Variants in TMTC2 observed in about 807,000 individuals in gnomAD.
TMTC2 encodes transmembrane O-mannosyltransferase targeting cadherins 2, also known as protein O-mannosyl-transferase TMTC2.
Under a neutral mutation model 82.4 loss-of-function variants are expected in TMTC2, and 43 were observed. The ratio of observed to expected loss-of-function variants is 0.52; its 90% CI spans 0.41 to 0.67. The LOEUF (loss-of-function observed/expected upper bound fraction) is 0.67, where lower values mean the gene tolerates loss of function less well. Among genes scored for constraint, TMTC2 ranks in the 30% least tolerant of loss-of-function variants. The pLI, the probability that TMTC2 is intolerant of heterozygous loss-of-function variation, is 0.00. For missense variants in TMTC2, 919 were observed against 1,012.4 expected (o/e 0.91, Z 1.25); for synonymous variants, 408 against 381.9 (o/e 1.07, Z -0.80).
chr12:83,023,471 G>A (rs964342196), intron 8 of TMTC2, among the ~76,000 whole-genome samples: 1 of 152,194 alleles, frequency 6.6e-6, no homozygotes, highest in African/African-American at 2.4e-5. Context: ...ACTTCAGCCA[G>A]TTTTGTGACC....
At position 82,903,439 on chromosome 12, in the gene TMTC2, T is replaced by C. The variant is rs866130538; in HGVS notation, c.1483+6793T>C. On this transcript the variant is annotated intron_variant, in intron 3 of 11. Coordinates refer to ENST00000321196, the MANE Select transcript of TMTC2 (RefSeq NM_152588.3). ...TTTGTTTTGTTTTTTTGAGACAGAG[T>C]CTCGCTCTGTCGCCCAGGCTGGAGT... is the stretch of plus-strand genomic sequence containing the variant. Among the ~76,000 whole-genome samples, 8 of 152,254 alleles carry C rather than the reference T, an allele frequency of 5.3e-5. No homozygotes were observed. The South Asian group carries it at 1.5e-3, about 28-fold the overall frequency.
chr12:82,699,602 C>T (rs958107949), intron 1 of TMTC2, among the ~76,000 whole-genome samples: 1 of 152,150 alleles, frequency 6.6e-6, no homozygotes, highest in Non-Finnish European at 1.5e-5. Context: ...CCTGCACCGA[C>T]GTGTTTGTGT....
intron 1 of TMTC2, among the ~76,000 whole-genome samples, chr12:82,751,881 TAAAGGA>T (rs1876026836): frequency 6.6e-6 from 1 of 152,178 alleles, no homozygotes; most frequent in African/African-American, 2.4e-5. Context: ...AGTTTTGTGT[TAAAGGA>T]TGAACAAAAT....
Position 83,132,429 on chromosome 12 carries a change from C to T in TMTC2, c.*40C>T, listed in dbSNP as rs767272374. On this transcript the variant is annotated 3_prime_UTR_variant, in exon 12 of 12. Coordinates refer to ENST00000321196, the MANE Select transcript of TMTC2 (RefSeq NM_152588.3). ...GCCCATCCTCCTCCATTTTTAAAAGCTGGCTTCCTTAGCAGACAGAACTTC... is the reference window on the plus strand; with the variant it reads ...GCCCATCCTCCTCCATTTTTAAAAGTTGGCTTCCTTAGCAGACAGAACTTC... The T allele has an allele frequency of 1.9e-6, 3 of 1,606,502 alleles. No individual in the cohort carries two copies. Among genetic ancestry groups the T allele is most frequent in the Non-Finnish European group, 2.5e-6 (3 of 1,177,048 alleles).
chr12:82,866,257 A>C (rs534252049), intron 2 of TMTC2, among the ~76,000 whole-genome samples: 27 of 152,022 alleles, frequency 1.8e-4, no homozygotes, highest in South Asian at 6.2e-4. Flanking sequence ...AAAAAAAAAA[A>C]AAAAAACAAA....
intron 1 of TMTC2, among the ~76,000 whole-genome samples, chr12:82,854,036 TTTTAA>T (rs888789560): frequency 6.6e-6 from 1 of 152,084 alleles, no homozygotes; most frequent in Non-Finnish European, 1.5e-5. Context: ...TAGCAGGGTG[TTTTAA>T]TTTAATAGAT....
intron 10 of TMTC2, among the ~76,000 whole-genome samples, chr12:83,051,697 G>A (rs1158733307): frequency 1.3e-5 from 2 of 152,008 alleles, no homozygotes; most frequent in Non-Finnish European, 2.9e-5. Flanking sequence ...TATACTTAAG[G>A]CCCATGAAAT....
At chr12:82,757,364 G>A (rs900091126) in intron 1 of TMTC2, among the ~76,000 whole-genome samples, 8 of 152,066 alleles carry the variant, frequency 5.3e-5, no homozygotes, top group African/African-American at 1.7e-4. Context: ...TCTTTAAAAC[G>A]TTAACATTTG....
chr12:82,725,689 C>CA (rs1260599994), intron 1 of TMTC2, among the ~76,000 whole-genome samples: 1 of 152,102 alleles, frequency 6.6e-6, no homozygotes, highest in Non-Finnish European at 1.5e-5. Context: ...AGATGTCAAT[C>CA]AGATACACTT....
chr12:82,837,187 A>G (rs1226917279), intron 1 of TMTC2, among the ~76,000 whole-genome samples: 1 of 152,220 alleles, frequency 6.6e-6, no homozygotes, highest in African/African-American at 2.4e-5. Flanking sequence ...CTTAACATGA[A>G]TTATACTAGA....
chr12:83,063,905 C>T (rs1312853016), intron 11 of TMTC2, among the ~76,000 whole-genome samples: 1 of 151,732 alleles, frequency 6.6e-6, no homozygotes, highest in East Asian at 1.9e-4. Context: ...AACGGGGTGG[C>T]ATGCACTAGG....
intron 8 of TMTC2, among the ~76,000 whole-genome samples, chr12:83,010,176 C>G (rs1880392490): frequency 6.6e-6 from 1 of 152,158 alleles, no homozygotes; most frequent in South Asian, 2.1e-4. Context: ...CATACTCTCT[C>G]TATATCTATT....
At chr12:83,054,192 A>C (rs1479959414) in intron 10 of TMTC2, among the ~76,000 whole-genome samples, 1 of 152,082 alleles carries the variant, frequency 6.6e-6, no homozygotes, top group Non-Finnish European at 1.5e-5. Context: ...GTGAGAAGTA[A>C]ACTTTGTTGT....
rs1200865185 is a variant in TMTC2, at chr12:82,847,324, A to G, written c.84-9686A>G. 3.3e-5 allele frequency among the ~76,000 whole-genome samples: 5 copies of G among 152,160 alleles called. No homozygotes were observed. The South Asian group carries it at 1.0e-3, about 31-fold the overall frequency. On this transcript the variant is annotated intron_variant, in intron 1 of 11. Transcript: ENST00000321196. ...CCTGAGTGAACCACTTTTAGATGAA[A>G]GTGATAATTCCCTACATACTTAAAA...
intron 7 of TMTC2, among the ~76,000 whole-genome samples, chr12:82,982,998 GA>G: frequency 6.6e-6 from 1 of 151,632 alleles, no homozygotes; most frequent in East Asian, 1.9e-4. Context: ...TATAGAAATT[GA>G]AAAACTGTTT....
intron 1 of TMTC2, among the ~76,000 whole-genome samples, chr12:82,846,755 C>T (rs919576423): frequency 2.6e-4 from 40 of 152,202 alleles, no homozygotes; most frequent in Non-Finnish European, 5.1e-4. Context: ...TTAATAACTT[C>T]CTGTATTCTC....
At chr12:82,779,368 A>T (rs1478017773) in intron 1 of TMTC2, among the ~76,000 whole-genome samples, 1 of 152,126 alleles carries the variant, frequency 6.6e-6, no homozygotes, top group Admixed American at 6.5e-5. Flanking sequence ...CAGATAGCAA[A>T]TAAGAATGTT....
chr12:82,698,142 AGTTT>A (rs1872902089), intron 1 of TMTC2, among the ~76,000 whole-genome samples: 1 of 152,172 alleles, frequency 6.6e-6, no homozygotes, highest in Non-Finnish European at 1.5e-5. Flanking sequence ...CTATATCTGA[AGTTT>A]TAAAGTCCTA....
chr12:82,746,371 G>A (rs1188354937), intron 1 of TMTC2, among the ~76,000 whole-genome samples: 1 of 151,972 alleles, frequency 6.6e-6, no homozygotes, highest in Non-Finnish European at 1.5e-5. Context: ...GTAGTATTTG[G>A]CACTGTGCAT....
Sources: allele counts gnomAD v4.1 joint callset (sites outside exome capture counted in the v4.1 genomes callset), GRCh38; gene constraint gnomAD v4.1.1; transcripts MANE v1.5; gene names NCBI Gene and HGNC (gene_info 2026-07-23, HGNC 2026-07-21).